The following NECAB2 variants were observed in gnomAD, a reference collection of about 807,000 sequenced individuals.
NECAB2 encodes N-terminal EF-hand calcium binding protein 2.
In NECAB2, 68 loss-of-function variants were observed where a neutral mutation model predicts 51.9. The ratio of observed to expected loss-of-function variants is 1.31; its 90% CI spans 1.08 to 1.60. The LOEUF (loss-of-function observed/expected upper bound fraction) is 1.60. NECAB2 is among the 40% of genes most tolerant of loss of function. NECAB2 has a pLI of 0.00. For synonymous variants in NECAB2, 329 were observed against 203.5 expected (o/e 1.62, Z -5.25); for missense variants, 854 against 490.3 (o/e 1.74, Z -7.00).
chr16:83,972,857 G>A (rs758420516), intron 2 of NECAB2, among the ~76,000 whole-genome samples: 4 of 152,188 alleles, frequency 2.6e-5, no homozygotes, highest in Admixed American at 1.3e-4. Flanking sequence ...GAATAAGCAC[G>A]TTTAGGCGGC....
At chr16:83,985,909 C>T (rs1208211837) in intron 5 of NECAB2, among the ~76,000 whole-genome samples, 3 of 152,158 alleles carry the variant, frequency 2.0e-5, no homozygotes, top group Non-Finnish European at 4.4e-5. Context: ...CTGAAAACAG[C>T]TATCCTTTCT....
upstream of NECAB2, among the ~76,000 whole-genome samples, chr16:83,966,920 A>C (rs1240181875): frequency 1.3e-5 from 2 of 151,914 alleles, no homozygotes; most frequent in African/African-American, 4.8e-5. Flanking sequence ...TTTGTCACCC[A>C]GGCTGGAGTG....
At chr16:83,995,480 G>A (rs2084685104) in intron 8 of NECAB2, among the ~76,000 whole-genome samples, 1 of 152,130 alleles carries the variant, frequency 6.6e-6, no homozygotes, top group Non-Finnish European at 1.5e-5. Context: ...ACAGGGCCCG[G>A]TGCTGTAGCT....
At position 84,002,324 on chromosome 16, in the gene NECAB2, G is replaced by A; in HGVS notation, c.1139G>A (p.Trp380Ter). The A allele has an allele frequency of 1.2e-6, 2 of 1,613,918 alleles. No homozygotes were observed. Among genetic ancestry groups the A allele is most frequent in the Non-Finnish European group, 1.7e-6 (2 of 1,179,906 alleles). Residue 380 changes from tryptophan to a stop codon, truncating the protein, a stop_gained, in exon 13 of 13, where the codon TGG (tryptophan) becomes TAG (stop). Coordinates refer to ENST00000305202, the MANE Select transcript of NECAB2 (RefSeq NM_019065.3). LOFTEE classifies it high-confidence loss of function. ...ALSRILVPAA[W>*]CTVGRD ...CGTGTCTCTCTCCTTTTAGCTGCTT[G>A]GTGCACGGTGGGACGGGACTGACAG...
At chr16:84,000,413 C>T (rs368060960) in intron 10 of NECAB2, among the ~76,000 whole-genome samples, 144 of 152,202 alleles carry the variant, frequency 9.5e-4, no homozygotes, top group Non-Finnish European at 1.7e-3. Context: ...CTCTAGTCCC[C>T]GCTACTTGGA....
At chr16:83,990,131 C>G (rs2084603545) in intron 5 of NECAB2, among the ~76,000 whole-genome samples, 1 of 152,212 alleles carries the variant, frequency 6.6e-6, no homozygotes, top group Admixed American at 6.5e-5. Context: ...ATTGTAGCAC[C>G]TACTGTTGAT....
upstream of NECAB2, chr16:83,965,311 A>G (rs958397174): frequency 1.3e-5 from 20 of 1,587,884 alleles, no homozygotes; most frequent in East Asian, 6.7e-5. Flanking sequence ...TCCTCGCCAC[A>G]GGCACGTTCG....
chr16:84,000,578 C>T (rs545301228), intron 10 of NECAB2, 146 bp from the exon 11 acceptor site: 47 of 612,276 alleles, frequency 7.7e-5, no homozygotes, highest in Admixed American at 2.0e-4. Flanking sequence ...GTCACCCTGT[C>T]GAGTCTCGAT....
chr16:83,983,114 C>T (rs984340427), intron 5 of NECAB2, among the ~76,000 whole-genome samples: 1 of 152,066 alleles, frequency 6.6e-6, no homozygotes, highest in African/African-American at 2.4e-5. Context: ...GGTGATCCGC[C>T]CACCTCGGCC....
chr16:84,000,672 G>GGTGGCCTT, intron 10 of NECAB2, 52 bp from the exon 11 acceptor site: 1 of 1,544,988 alleles, frequency 6.5e-7, no homozygotes, highest in Non-Finnish European at 8.9e-7. Flanking sequence ...ACAGCACTGA[G>GGTGGCCTT]GTGGCCTTGG....
At chr16:83,979,243 C>T (rs1033060969) in intron 3 of NECAB2, among the ~76,000 whole-genome samples, 1 of 152,222 alleles carries the variant, frequency 6.6e-6, no homozygotes, top group Non-Finnish European at 1.5e-5. Flanking sequence ...GGGATCAGAG[C>T]CCCACCTGGT....
At chr16:83,991,836 T>G (rs1405942292) in intron 6 of NECAB2, among the ~76,000 whole-genome samples, 4 of 133,552 alleles carry the variant, frequency 3.0e-5, no homozygotes, top group East Asian at 2.1e-4. Flanking sequence ...TTTTTTTTTT[T>G]GTAGAGACGG....
chr16:83,999,935 A>G (rs566046010), intron 10 of NECAB2, among the ~76,000 whole-genome samples: 2 of 150,182 alleles, frequency 1.3e-5, no homozygotes, highest in Non-Finnish European at 2.9e-5. Flanking sequence ...GGCAGGAGTG[A>G]GTGTGTAGTA....
intron 1 of NECAB2, 88 bp from the exon 2 acceptor site, chr16:83,972,058 GGAGAA>G: frequency 6.4e-7 from 1 of 1,556,042 alleles, no homozygotes; most frequent in Non-Finnish European, 8.8e-7. Context: ...GCTGCTCCTG[GGAGAA>G]GAGAAGGATC....
intron 11 of NECAB2, 36 bp from the exon 12 acceptor site, chr16:84,001,780 CTCCACTCCT>C: frequency 6.2e-7 from 1 of 1,602,246 alleles, no homozygotes; most frequent in Non-Finnish European, 8.5e-7. Flanking sequence ...ACACGCGGAG[CTCCACTCCT>C]GCCACCCCTG....
intron 3 of NECAB2, among the ~76,000 whole-genome samples, chr16:83,980,098 T>G (rs1269392611): frequency 1.3e-5 from 2 of 152,218 alleles, no homozygotes; most frequent in Non-Finnish European, 2.9e-5. Context: ...TGGGCTCCAC[T>G]GAGCACGATG....
At chr16:83,970,598 C>T (rs893696232) in intron 1 of NECAB2, among the ~76,000 whole-genome samples, 2 of 152,144 alleles carry the variant, frequency 1.3e-5, no homozygotes, top group African/African-American at 4.8e-5. Context: ...TACCCCAAGG[C>T]GAGGACAGAG....
At chr16:83,997,001 G>A (rs1268389649) in intron 8 of NECAB2, among the ~76,000 whole-genome samples, 1 of 152,012 alleles carries the variant, frequency 6.6e-6, no homozygotes, top group African/African-American at 2.4e-5. Flanking sequence ...CCCCCTTGCT[G>A]CCTCTCCCAA....
chr16:83,971,946 T>C (rs3803645), intron 1 of NECAB2: 42,886 of 649,934 alleles, frequency 0.066, 1,985 homozygotes, highest in African/African-American at 0.17. Context: ...TCCACGTGGG[T>C]GAGGGGAGGG....
Sources: gnomAD v4.1 joint callset for allele counts (sites outside exome capture counted in the v4.1 genomes callset) on GRCh38, gnomAD v4.1.1 for gene constraint, MANE v1.5 for transcripts, NCBI Gene and HGNC (gene_info 2026-07-23, HGNC 2026-07-21) for gene names.